The following PSD3 variants were observed in gnomAD, a reference collection of about 807,000 sequenced individuals.
PSD3 encodes pleckstrin and Sec7 domain containing 3.
In PSD3, 49 loss-of-function variants were observed where a neutral mutation model predicts 105.5. That is an observed-to-expected ratio of 0.46 (90% CI 0.37 to 0.59). The LOEUF is 0.59. PSD3 is among the 20% of genes least tolerant of loss of function. The probability of loss-of-function intolerance (pLI) is 0.00; values close to 1 mark genes in which losing one functional copy is unlikely to be tolerated. For missense variants in PSD3, 1,561 were observed against 1,263.8 expected, an observed-to-expected ratio of 1.24 and a Z score of -3.57; for synonymous variants, 557 against 457.8, an observed-to-expected ratio of 1.22 and a Z score of -2.77.
chr8:18,719,297 C>G (rs971257315), intron 9 of PSD3, among the ~76,000 whole-genome samples: 1 of 152,154 alleles, frequency 6.6e-6, no homozygotes, highest in Non-Finnish European at 1.5e-5. Flanking sequence ...GACTTTTTAA[C>G]TGAAATTTTA....
chr8:18,926,183 T>C (rs1287773096), intron 2 of PSD3, among the ~76,000 whole-genome samples: 3 of 151,960 alleles, frequency 2.0e-5, no homozygotes, highest in African/African-American at 7.2e-5. Flanking sequence ...TAGAAGAATA[T>C]ACATTCAGAG....
At chr8:18,976,644 T>A (rs998731212) in intron 1 of PSD3, among the ~76,000 whole-genome samples, 8 of 152,072 alleles carry the variant, frequency 5.3e-5, no homozygotes, top group Middle Eastern at 3.4e-3. Flanking sequence ...ATAATCTACC[T>A]CATAGGGATA....
chr8:18,753,429 A>G (rs570621810), intron 9 of PSD3, among the ~76,000 whole-genome samples: 2 of 152,180 alleles, frequency 1.3e-5, no homozygotes, highest in African/African-American at 4.8e-5. Context: ...GTGAAGAGGA[A>G]AGTTCATGTA....
intron 1 of PSD3, among the ~76,000 whole-genome samples, chr8:18,989,639 T>A (rs1344227194): frequency 6.6e-6 from 1 of 152,222 alleles, no homozygotes. Context: ...ATGCTCATAG[T>A]ACCTTCTTCT....
chr8:18,866,724 A>C (rs896970665), intron 4 of PSD3, among the ~76,000 whole-genome samples: 2 of 152,170 alleles, frequency 1.3e-5, no homozygotes, highest in Non-Finnish European at 2.9e-5. Context: ...TGCTCAGCAC[A>C]GGGCAGACTG....
chr8:18,877,757 G>A (rs1817830461), intron 2 of PSD3, among the ~76,000 whole-genome samples: 1 of 151,864 alleles, frequency 6.6e-6, no homozygotes, highest in Non-Finnish European at 1.5e-5. Flanking sequence ...GCCCAGGCTG[G>A]TCTTGAACTC....
At chr8:18,870,894 G>C (rs1292639948) in intron 3 of PSD3, among the ~76,000 whole-genome samples, 2 of 152,100 alleles carry the variant, frequency 1.3e-5, no homozygotes, top group East Asian at 3.9e-4. Context: ...GATGCGAGGA[G>C]TTTGAAACAG....
At chr8:19,068,409 C>T (rs1413770334) in intron 1 of PSD3, among the ~76,000 whole-genome samples, 1 of 152,012 alleles carries the variant, frequency 6.6e-6, no homozygotes, top group East Asian at 1.9e-4. Flanking sequence ...CCTGCCCCAG[C>T]CTCCTGACAA....
intron 15 of PSD3, among the ~76,000 whole-genome samples, chr8:18,541,468 C>T (rs981721229): frequency 1.3e-5 from 2 of 152,190 alleles, no homozygotes; most frequent in Non-Finnish European, 2.9e-5. Flanking sequence ...ACACCTTTAT[C>T]TTCAGTATCC....
intron 8 of PSD3, among the ~76,000 whole-genome samples, chr8:18,783,567 C>T (rs1563262567): frequency 6.6e-6 from 1 of 152,114 alleles, no homozygotes; most frequent in Non-Finnish European, 1.5e-5. Context: ...CAATTTAGAG[C>T]AATAATTTGC....
At chr8:19,033,055 G>T (rs1586649842) in intron 1 of PSD3, among the ~76,000 whole-genome samples, 1 of 151,784 alleles carries the variant, frequency 6.6e-6, no homozygotes, top group East Asian at 1.9e-4. Context: ...GACCAGCCTG[G>T]GCAAGACTGA....
intron 1 of PSD3, among the ~76,000 whole-genome samples, chr8:19,036,374 T>C (rs992386473): frequency 6.6e-6 from 1 of 152,040 alleles, no homozygotes; most frequent in African/African-American, 2.4e-5. Context: ...CTGTCCTAGG[T>C]TGAAATTTTG....
Position 18,867,919 on chromosome 8 carries a change from T to G in PSD3, c.1389A>C (p.Thr463=), listed in dbSNP as rs758766859. 13 of 1,614,088 alleles carry G rather than the reference T, an allele frequency of 8.1e-6. No homozygotes were observed. Among genetic ancestry groups the G allele is most frequent in the Non-Finnish European group, 1.7e-6 (2 of 1,180,038 alleles). ...AATAGCTATCAGGCTCTGAGTATAATGTCTCCAGGGACTCTGCACTGTAGT... is the reference window on the plus strand; with the variant it reads ...AATAGCTATCAGGCTCTGAGTATAAGGTCTCCAGGGACTCTGCACTGTAGT... ...SLYYSAESLE[T]LYSEPDSYFS... Residue 463 remains threonine (T), a synonymous_variant, in exon 4 of 16, where the codon ACA becomes ACC. Coordinates refer to ENST00000327040, the MANE Select transcript of PSD3 (RefSeq NM_015310.4).
intron 9 of PSD3, among the ~76,000 whole-genome samples, chr8:18,741,190 C>T (rs934954653): frequency 1.3e-5 from 2 of 152,268 alleles, no homozygotes; most frequent in South Asian, 2.1e-4. Context: ...GTACGAGTTA[C>T]GGTCCAGAGA....
At chr8:19,033,988 C>T (rs928818424) in intron 1 of PSD3, among the ~76,000 whole-genome samples, 4 of 152,040 alleles carry the variant, frequency 2.6e-5, no homozygotes, top group East Asian at 1.9e-4. Context: ...TCTAGGGAAA[C>T]GTGATTATAT....
chr8:18,857,275 C>T (rs1816089056), intron 4 of PSD3, among the ~76,000 whole-genome samples: 1 of 152,176 alleles, frequency 6.6e-6, no homozygotes, highest in African/African-American at 2.4e-5. Context: ...AAGCAGCTTC[C>T]AGTAAACGCT....
chr8:18,718,489 G>A (rs1427422475), intron 9 of PSD3, among the ~76,000 whole-genome samples: 1 of 152,154 alleles, frequency 6.6e-6, no homozygotes, highest in East Asian at 1.9e-4. Context: ...AGGACTAGAA[G>A]GGAATATTCA....
intron 1 of PSD3, among the ~76,000 whole-genome samples, chr8:18,963,239 G>A (rs952677274): frequency 1.3e-5 from 2 of 152,108 alleles, no homozygotes; most frequent in Non-Finnish European, 2.9e-5. Flanking sequence ...TACAACACAT[G>A]GGAATTATGG....
intron 9 of PSD3, among the ~76,000 whole-genome samples, chr8:18,732,407 T>A (rs532390928): frequency 6.6e-6 from 1 of 152,336 alleles, no homozygotes; most frequent in African/African-American, 2.4e-5. Flanking sequence ...CTTTAAATCA[T>A]CATCAGTTCA....
Sources: gnomAD v4.1 joint callset for allele counts (sites outside exome capture counted in the v4.1 genomes callset) on GRCh38, gnomAD v4.1.1 for gene constraint, MANE v1.5 for transcripts, NCBI Gene and HGNC (gene_info 2026-07-23, HGNC 2026-07-21) for gene names.